RNF17: variants seen among roughly 807,000 people sequenced by gnomAD.
RNF17 encodes the protein ring finger protein 17.
In RNF17, 31 loss-of-function variants were observed where a neutral mutation model predicts 200.5. The observed-to-expected ratio is 0.15, with a 90% confidence interval of 0.12 to 0.21. The LOEUF (loss-of-function observed/expected upper bound fraction) is 0.21, where lower values mean the gene tolerates loss of function less well. Ranked by LOEUF, RNF17 falls within the 10% of genes least tolerant of loss-of-function variation. RNF17 has a pLI of 1.00. For missense variants in RNF17, 1,628 were observed against 1,905.1 expected (o/e 0.85, Z 2.71); for synonymous variants, 606 against 637.8 (o/e 0.95, Z 0.75).
chr13:24,781,981 A>C (rs1478719539), intron 6 of RNF17, 37 bp downstream of exon 6: 1 of 1,247,754 alleles, frequency 8.0e-7, no homozygotes, highest in East Asian at 2.3e-5. Flanking sequence ...ATGAAACTGA[A>C]GTTTCTAACA....
rs201128076 is a variant in RNF17 at position 24,845,014 on chromosome 13, A to G, written c.3036A>G (p.Arg1012=). ...TAGTAGTGAATGTTGACTGTTTAAG[A>G]AAACTTGAAGAAAATCTAAAGACAA... ...VELVVNVDCL[R]KLEENLKTMG... is the part of the protein sequence containing the mutation. The change falls in exon 22 of 36, where the codon AGA becomes AGG. Residue 1012 remains arginine, a synonymous_variant. Transcript: ENST00000255324. 1.2e-6 allele frequency: 2 copies of G among 1,608,248 alleles called. No homozygotes were observed. The highest frequency in any genetic ancestry group is 4.5e-5 in the East Asian group (2 of 44,790).
chr13:24,839,645 T>C (rs1165038433), intron 18 of RNF17, among the ~76,000 whole-genome samples: 1 of 152,142 alleles, frequency 6.6e-6, no homozygotes, highest in Non-Finnish European at 1.5e-5. Context: ...GACACCCTTT[T>C]CAACAAATGG....
At chr13:24,791,497 G>T (rs1334622691) in intron 9 of RNF17, among the ~76,000 whole-genome samples, 2 of 152,180 alleles carry the variant, frequency 1.3e-5, no homozygotes, top group Admixed American at 1.3e-4. Context: ...GCTTTCTGGA[G>T]AGAAATGTGT....
At chr13:24,863,742 A>G (rs1280141898) in intron 28 of RNF17, among the ~76,000 whole-genome samples, 1 of 152,236 alleles carries the variant, frequency 6.6e-6, no homozygotes, top group Non-Finnish European at 1.5e-5. Flanking sequence ...TAGTTTGTCT[A>G]GACAGCTTTC....
At chr13:24,880,826 C>T (rs1295025794), downstream of RNF17, among the ~76,000 whole-genome samples, 1 of 152,208 alleles carries the variant, frequency 6.6e-6, no homozygotes, top group Non-Finnish European at 1.5e-5. Context: ...TATCCCACCA[C>T]CAGTTGTCTG....
chr13:24,814,156 G>T (rs1887112914), intron 15 of RNF17, among the ~76,000 whole-genome samples: 1 of 152,120 alleles, frequency 6.6e-6, no homozygotes, highest in African/African-American at 2.4e-5. Flanking sequence ...ACTGAACGTG[G>T]ATCATTATAC....
intron 15 of RNF17, among the ~76,000 whole-genome samples, chr13:24,818,168 T>C (rs932128691): frequency 3.9e-5 from 6 of 152,176 alleles, no homozygotes; most frequent in Admixed American, 6.5e-5. Context: ...GTGTTTAGTT[T>C]CTACATATTT....
At chr13:24,793,611 G>A (rs1246421854) in intron 10 of RNF17, among the ~76,000 whole-genome samples, 1 of 152,146 alleles carries the variant, frequency 6.6e-6, no homozygotes, top group Admixed American at 6.5e-5. Context: ...AGATTTTTTA[G>A]TGTTCTCACA....
chr13:24,821,373 C>T (rs181592797), intron 15 of RNF17, among the ~76,000 whole-genome samples: 161 of 152,294 alleles, frequency 1.1e-3, no homozygotes, highest in Admixed American at 1.8e-3. Context: ...TAACATTAGA[C>T]TTCTTGGATT....
chr13:24,868,127 C>T (rs1893834437), intron 30 of RNF17, among the ~76,000 whole-genome samples: 2 of 152,210 alleles, frequency 1.3e-5, no homozygotes, highest in Non-Finnish European at 2.9e-5. Flanking sequence ...ATTATCATCA[C>T]ATTTTGGTCC....
chr13:24,831,319 G>A (rs1416806290), intron 17 of RNF17, among the ~76,000 whole-genome samples: 1 of 152,062 alleles, frequency 6.6e-6, no homozygotes, highest in African/African-American at 2.4e-5. Flanking sequence ...GTGTGTGCCT[G>A]TAATCCCAGT....
rs377178574 is a variant in RNF17, at chr13:24,793,121, A to G, written c.1015A>G (p.Thr339Ala). 1.5e-5 allele frequency: 25 copies of G among 1,613,132 alleles called. No individual in the cohort carries two copies. Among genetic ancestry groups the G allele is most frequent in the Non-Finnish European group, 2.1e-5 (25 of 1,179,390 alleles). Residue 339 changes from threonine (T) to alanine (A), a missense_variant, in exon 10 of 36, where the codon ACA becomes GCA. Thr to Ala is a moderately conservative substitution (Grantham distance 58). This residue lies in a region of RNF17 where 502 missense variants were observed against 501.7 expected (regional missense o/e 1.00). Coordinates refer to ENST00000255324, the MANE Select transcript of RNF17 (RefSeq NM_031277.3). ...NNKKELSCYD[T>A]YPPLEKKKVD... ...CAAAAAGGAACTTTCTTGTTACGAT[A>G]CATACCCACCGCTAGAAAAGAAAAA...
chr13:24,778,211 A>T, intron 3 of RNF17, 84 bp from the exon 4 acceptor site: 1 of 867,932 alleles, frequency 1.2e-6, no homozygotes, highest in South Asian at 1.5e-5. Flanking sequence ...GCCATGAGCC[A>T]TGATGGTGCC....
intron 16 of RNF17, among the ~76,000 whole-genome samples, chr13:24,828,822 T>A (rs533457767): frequency 1.3e-5 from 2 of 152,070 alleles, no homozygotes; most frequent in South Asian, 4.2e-4. Flanking sequence ...GAAAACATCC[T>A]TTTTGAGATG....
At chr13:24,825,561 C>T in intron 15 of RNF17, 58 bp from the exon 16 acceptor site, 1 of 1,140,698 alleles carries the variant, frequency 8.8e-7, no homozygotes, top group South Asian at 1.7e-5. Flanking sequence ...GTAATTCATT[C>T]AACACTTACA....
At chr13:24,773,580 TTTC>T (rs1881103636) in intron 2 of RNF17, among the ~76,000 whole-genome samples, 1 of 152,146 alleles carries the variant, frequency 6.6e-6, no homozygotes, top group Non-Finnish European at 1.5e-5. Flanking sequence ...GCAGAAGAAC[TTTC>T]TGTTGGGTTC....
chr13:24,797,714 G>GTCTC (rs71186847), intron 11 of RNF17, among the ~76,000 whole-genome samples: 3 of 146,426 alleles, frequency 2.0e-5, no homozygotes, highest in Non-Finnish European at 4.6e-5. Flanking sequence ...GAGTGTGTGT[G>GTCTC]TGTGTGTGTG....
At chr13:24,755,401 T>C in the RNF17 span, among the ~76,000 whole-genome samples, 1 of 152,164 alleles carries the variant, frequency 6.6e-6, no homozygotes, top group Non-Finnish European at 1.5e-5. Flanking sequence ...TTTTTCAAAA[T>C]TGGTAGCTTA....
chr13:24,773,864 C>T (rs1223097647), intron 2 of RNF17, among the ~76,000 whole-genome samples: 2 of 152,108 alleles, frequency 1.3e-5, no homozygotes, highest in African/African-American at 2.4e-5. Flanking sequence ...GACCTAGGCA[C>T]CCAGAGAATG....
Sources: gnomAD v4.1 joint callset for allele counts (sites outside exome capture counted in the v4.1 genomes callset) on GRCh38, gnomAD v4.1.1 for gene constraint, gnomAD v4.1.1 regional missense constraint, MANE v1.5 for transcripts, NCBI Gene and HGNC (gene_info 2026-07-23, HGNC 2026-07-21) for gene names.